ANO2: variants seen among roughly 807,000 people sequenced by gnomAD.
ANO2 encodes anoctamin-2.
Under a neutral mutation model 124.2 loss-of-function variants are expected in ANO2, and 101 were observed. The ratio of observed to expected loss-of-function variants is 0.81; its 90% CI spans 0.69 to 0.96. ANO2 has a LOEUF of 0.96. Ranked by LOEUF, ANO2 falls within the 40% of genes least tolerant of loss-of-function variation. ANO2 has a pLI of 0.00. For synonymous variants in ANO2, 486 were observed against 482.5 expected, an observed-to-expected ratio of 1.01 and a Z score of -0.09; for missense variants, 1,293 against 1,274.5, an observed-to-expected ratio of 1.01 and a Z score of -0.22.
chr12:5,717,351 T>C (rs1203780997), intron 14 of ANO2, among the ~76,000 whole-genome samples: 5 of 152,214 alleles, frequency 3.3e-5, no homozygotes, highest in Non-Finnish European at 7.3e-5. Flanking sequence ...GGTTCTCTTC[T>C]AATCGTACCT....
intron 7 of ANO2, among the ~76,000 whole-genome samples, chr12:5,809,359 G>C (rs1234005879): frequency 6.6e-6 from 1 of 152,148 alleles, no homozygotes; most frequent in Non-Finnish European, 1.5e-5. Flanking sequence ...GGCATGGATA[G>C]AGGTTGAAGC....
intron 10 of ANO2, among the ~76,000 whole-genome samples, chr12:5,781,203 T>C (rs1173984561): frequency 6.6e-6 from 1 of 152,242 alleles, no homozygotes; most frequent in Admixed American, 6.5e-5. Flanking sequence ...TTGATTTTTA[T>C]GGGTGAAGAC....
intron 23 of ANO2, among the ~76,000 whole-genome samples, chr12:5,569,921 A>C (rs1490228240): frequency 1.3e-5 from 2 of 152,230 alleles, no homozygotes; most frequent in African/African-American, 4.8e-5. Context: ...ATATGTGTCT[A>C]TGAAATTAAT....
At chr12:5,732,959 G>C (rs1044624628) in intron 13 of ANO2, 15 of 1,531,688 alleles carry the variant, frequency 9.8e-6, no homozygotes, top group East Asian at 2.3e-5. Context: ...GTGCTTTGCA[G>C]AGCAGTTTCA....
chr12:5,880,852 G>GTGGGTGGA, intron 3 of ANO2, among the ~76,000 whole-genome samples: 1 of 117,002 alleles, frequency 8.5e-6, no homozygotes, highest in South Asian at 3.1e-4. Context: ...GGGTGGGTGG[G>GTGGGTGGA]TGGATAGATG....
At chr12:5,779,161 T>C (rs576047457) in intron 10 of ANO2, among the ~76,000 whole-genome samples, 1 of 152,372 alleles carries the variant, frequency 6.6e-6, no homozygotes, top group East Asian at 1.9e-4. Flanking sequence ...CTAATCTGAT[T>C]AATTGTGAAA....
chr12:5,939,213 C>CACAAAAAAA (rs1942791361), intron 1 of ANO2, among the ~76,000 whole-genome samples: 1 of 86,178 alleles, frequency 1.2e-5, no homozygotes, highest in Admixed American at 1.6e-4. Context: ...AAGACTCCAA[C>CACAAAAAAA]AAAAAAAAAA....
intron 19 of ANO2, among the ~76,000 whole-genome samples, chr12:5,600,106 T>A (rs1943863500): frequency 6.6e-6 from 1 of 152,242 alleles, no homozygotes; most frequent in African/African-American, 2.4e-5. Context: ...GACTGAATGA[T>A]GTCTGCTGAA....
chr12:5,856,552 G>C (rs1307546153), intron 3 of ANO2: 1 of 152,238 alleles, frequency 6.6e-6, no homozygotes, highest in Non-Finnish European at 1.5e-5. Flanking sequence ...TCGCAAGGTG[G>C]AAGTATCTGG....
chr12:5,844,168 A>C (rs1954610421), intron 4 of ANO2, among the ~76,000 whole-genome samples: 1 of 152,200 alleles, frequency 6.6e-6, no homozygotes, highest in African/African-American at 2.4e-5. Context: ...CAAATACTTA[A>C]AGCATTTGGA....
intron 14 of ANO2, among the ~76,000 whole-genome samples, chr12:5,672,581 GTGTGTGTGTGTGTGTGTGCACATGCA>G (rs1948063426): frequency 8.5e-6 from 1 of 118,288 alleles, no homozygotes; most frequent in African/African-American, 3.1e-5. Flanking sequence ...CAGTCAGCTC[GTGTGTGTGTGTGTGTGTGCACATGCA>G]TGTGTGTGTG....
intron 10 of ANO2, among the ~76,000 whole-genome samples, chr12:5,760,967 CT>C (rs1194114498): frequency 6.6e-6 from 1 of 151,408 alleles, no homozygotes; most frequent in African/African-American, 2.4e-5. Context: ...CTGGCAGGCT[CT>C]GCTCTACCTT....
intron 14 of ANO2, among the ~76,000 whole-genome samples, chr12:5,670,994 G>A (rs1190758604): frequency 6.6e-6 from 1 of 152,152 alleles, no homozygotes; most frequent in Non-Finnish European, 1.5e-5. Flanking sequence ...CAGGTTCCCT[G>A]CCTCCATGCA....
At chr12:5,793,612 C>T (rs1952759162) in intron 10 of ANO2, among the ~76,000 whole-genome samples, 1 of 152,234 alleles carries the variant, frequency 6.6e-6, no homozygotes, top group African/African-American at 2.4e-5. Flanking sequence ...CCCTGGAATT[C>T]CAGGTGGCCA....
intron 19 of ANO2, among the ~76,000 whole-genome samples, chr12:5,600,776 G>C (rs150835209): frequency 1.3e-5 from 2 of 152,160 alleles, no homozygotes; most frequent in Non-Finnish European, 2.9e-5. Flanking sequence ...TCAAAGACTT[G>C]AAGTGTTTAA....
At chr12:5,931,134 C>A (rs1020251000) in intron 1 of ANO2, among the ~76,000 whole-genome samples, 2 of 152,194 alleles carry the variant, frequency 1.3e-5, no homozygotes, top group African/African-American at 2.4e-5. Context: ...CTGTGGTTGC[C>A]TACTCTTCTT....
chr12:5,603,818 G>A (rs532353796), intron 19 of ANO2, among the ~76,000 whole-genome samples: 8 of 152,008 alleles, frequency 5.3e-5, no homozygotes, highest in South Asian at 4.2e-4. Flanking sequence ...GGTGGTGGGC[G>A]CCTGTAGTCC....
chr12:5,837,083 C>G lies in ANO2; in HGVS notation c.634-4480G>C, dbSNP rs185142895. Among the ~76,000 whole-genome samples, 8 of 152,286 alleles carry G rather than the reference C, an allele frequency of 5.3e-5. No homozygotes were observed. The East Asian group carries it at 1.6e-3, about 30-fold the overall frequency. On this transcript the variant is annotated intron_variant, in intron 4 of 24. Coordinates refer to ENST00000682330, the MANE Select transcript of ANO2 (RefSeq NM_001364791.2). ...TGGGATCCAAACAGTCATAAGACAA[C>G]TGGTCTGGTTTTGGTAGAAATAAAC...
At chr12:5,803,248 T>A (rs933020343) in intron 9 of ANO2, among the ~76,000 whole-genome samples, 2 of 152,060 alleles carry the variant, frequency 1.3e-5, no homozygotes, top group African/African-American at 4.8e-5. Flanking sequence ...TAACCCCACC[T>A]CTCTAGGTCT....
Sources: allele counts gnomAD v4.1 joint callset (sites outside exome capture counted in the v4.1 genomes callset), GRCh38; gene constraint gnomAD v4.1.1; transcripts MANE v1.5; gene names NCBI Gene and HGNC (gene_info 2026-07-23, HGNC 2026-07-21).